The following THSD7B variants were observed in gnomAD, a reference collection of about 807,000 sequenced individuals.
THSD7B encodes thrombospondin type-1 domain-containing protein 7B.
In THSD7B, 138 loss-of-function variants were observed where a neutral mutation model predicts 213.6. The ratio of observed to expected loss-of-function variants is 0.65; its 90% CI spans 0.56 to 0.74. The LOEUF (loss-of-function observed/expected upper bound fraction) is 0.74. THSD7B is among the 30% of genes least tolerant of loss of function. The pLI is 0.00. For missense variants in THSD7B, 1,931 were observed against 1,991.5 expected (o/e 0.97, Z 0.58); for synonymous variants, 742 against 687.0 (o/e 1.08, Z -1.25).
At chr2:137,065,128 T>C (rs1245538817) in intron 3 of THSD7B, among the ~76,000 whole-genome samples, 2 of 152,122 alleles carry the variant, frequency 1.3e-5, no homozygotes, top group African/African-American at 4.8e-5. Context: ...TTTAACAATA[T>C]TGACTCTTCC....
chr2:137,090,128 G>A (rs1240938731), intron 3 of THSD7B, among the ~76,000 whole-genome samples: 3 of 151,320 alleles, frequency 2.0e-5, no homozygotes, highest in South Asian at 2.1e-4. Context: ...AATATATATG[G>A]CAATACTACA....
chr2:137,393,296 G>T (rs1350133204), intron 12 of THSD7B, among the ~76,000 whole-genome samples: 1 of 151,750 alleles, frequency 6.6e-6, no homozygotes, highest in Non-Finnish European at 1.5e-5. Context: ...ATCTCCCAAT[G>T]CTATCCCTCC....
chr2:137,499,546 A>G (rs1465689759), intron 15 of THSD7B, among the ~76,000 whole-genome samples: 2 of 152,144 alleles, frequency 1.3e-5, no homozygotes, highest in Non-Finnish European at 2.9e-5. Context: ...CTCATCTTCT[A>G]CTTTTGATCT....
chr2:137,164,383 G>A (rs1016603594), intron 6 of THSD7B, among the ~76,000 whole-genome samples: 2 of 152,174 alleles, frequency 1.3e-5, no homozygotes, highest in African/African-American at 4.8e-5. Context: ...GGAAACAACA[G>A]GTGCTGGAGA....
chr2:136,882,999 C>G (rs1683650552), intron 2 of THSD7B, among the ~76,000 whole-genome samples: 3 of 151,994 alleles, frequency 2.0e-5, no homozygotes, highest in African/African-American at 7.2e-5. Flanking sequence ...AATTATGAAC[C>G]CTAAACATCT....
At chr2:136,793,117 G>C (rs1681997302) in intron 1 of THSD7B, among the ~76,000 whole-genome samples, 1 of 151,954 alleles carries the variant, frequency 6.6e-6, no homozygotes, top group African/African-American at 2.4e-5. Context: ...GAGTGGAATT[G>C]CTGTGTTTTA....
intron 7 of THSD7B, among the ~76,000 whole-genome samples, chr2:137,184,980 T>C (rs1235595792): frequency 6.6e-6 from 1 of 152,166 alleles, no homozygotes; most frequent in African/African-American, 2.4e-5. Flanking sequence ...GAATGACTTT[T>C]AGCTTTTTGT....
chr2:137,088,007 A>C (rs569837879), intron 3 of THSD7B, among the ~76,000 whole-genome samples: 1 of 152,276 alleles, frequency 6.6e-6, no homozygotes, highest in African/African-American at 2.4e-5. Flanking sequence ...TGGGAGGCTG[A>C]GGCAGGTGGA....
At chr2:137,218,518 G>A (rs1267514392) in intron 7 of THSD7B, among the ~76,000 whole-genome samples, 1 of 138,232 alleles carries the variant, frequency 7.2e-6, no homozygotes, top group Non-Finnish European at 1.6e-5. Context: ...TGAGTTTGGG[G>A]AAGATAGACA....
intron 6 of THSD7B, among the ~76,000 whole-genome samples, chr2:137,169,876 T>C (rs1680210531): frequency 6.6e-6 from 1 of 152,156 alleles, no homozygotes; most frequent in Non-Finnish European, 1.5e-5. Context: ...ATAGAGGGAT[T>C]TCTGGTTTCT....
intron 5 of THSD7B, among the ~76,000 whole-genome samples, chr2:137,134,319 T>C (rs1688793168): frequency 6.6e-6 from 1 of 152,180 alleles, no homozygotes; most frequent in Non-Finnish European, 1.5e-5. Context: ...TCATATGTTC[T>C]TGTTTTCTTA....
intron 15 of THSD7B, among the ~76,000 whole-genome samples, chr2:137,478,838 G>A (rs969612111): frequency 2.0e-5 from 3 of 152,192 alleles, no homozygotes; most frequent in Non-Finnish European, 1.5e-5. Context: ...AGAATCAGTA[G>A]TGTCTGTGAT....
intron 27 of THSD7B, 117 bp from the exon 28 acceptor site, chr2:137,676,407 G>T: frequency 1.1e-6 from 1 of 926,312 alleles, no homozygotes. Flanking sequence ...CACATCTAGA[G>T]AAATGAATCT....
chr2:137,056,920 G>A lies in THSD7B; in HGVS notation c.640G>A (p.Gly214Ser). The A allele has an allele frequency of 6.2e-7, 1 of 1,613,878 alleles. No homozygotes were observed. The highest frequency in any genetic ancestry group is 8.5e-7 in the Non-Finnish European group (1 of 1,179,874). The part of the protein sequence containing the change: ...RAVIAPPLFG[G>S]LQCPNLTESR... Reference sequence around the variant, plus strand: ...GGTCATAGCTCCCCCTCTCTTTGGTGGTTTGCAATGTCCAAATCTGACTGA... The same window carrying A: ...GGTCATAGCTCCCCCTCTCTTTGGTAGTTTGCAATGTCCAAATCTGACTGA... Residue 214 changes from glycine to serine, a missense_variant, in exon 3 of 28, where the codon GGT becomes AGT. Coordinates refer to ENST00000409968, the MANE Select transcript of THSD7B (RefSeq NM_001316349.2).
intron 2 of THSD7B, among the ~76,000 whole-genome samples, chr2:137,000,122 G>T (rs1040829031): frequency 3.9e-5 from 6 of 152,130 alleles, no homozygotes; most frequent in African/African-American, 9.7e-5. Flanking sequence ...CAGGAGGCTG[G>T]AGGAACAAAC....
intron 12 of THSD7B, among the ~76,000 whole-genome samples, chr2:137,338,993 A>G (rs910710048): frequency 2.6e-5 from 4 of 152,258 alleles, no homozygotes; most frequent in Non-Finnish European, 5.9e-5. Flanking sequence ...GGTGGCATAT[A>G]ATAGATACAT....
chr2:137,162,024 A>G (rs75082083), intron 6 of THSD7B, among the ~76,000 whole-genome samples: 31 of 152,286 alleles, frequency 2.0e-4, no homozygotes, highest in Non-Finnish European at 3.1e-4. Flanking sequence ...CATCAGACCA[A>G]GTAGATCTGG....
At chr2:137,109,540 A>G (rs938111911) in intron 4 of THSD7B, among the ~76,000 whole-genome samples, 1 of 151,932 alleles carries the variant, frequency 6.6e-6, no homozygotes, top group African/African-American at 2.4e-5. Context: ...CTGCAACTAG[A>G]CAGTCCCATC....
chr2:137,230,589 ATAT>A (rs1447697981), intron 7 of THSD7B, among the ~76,000 whole-genome samples: 1 of 152,206 alleles, frequency 6.6e-6, no homozygotes, highest in Admixed American at 6.5e-5. Flanking sequence ...TTGTGTGATA[ATAT>A]TGCATAAGGT....
Sources: allele counts gnomAD v4.1 joint callset (sites outside exome capture counted in the v4.1 genomes callset), GRCh38; gene constraint gnomAD v4.1.1; transcripts MANE v1.5; gene names NCBI Gene and HGNC (gene_info 2026-07-23, HGNC 2026-07-21).